MAP2K1: variants seen among roughly 807,000 people sequenced by gnomAD.
The protein encoded by MAP2K1 is mitogen-activated protein kinase kinase 1.
In MAP2K1, 16 loss-of-function variants were observed where a neutral mutation model predicts 46.3. The observed-to-expected ratio is 0.35, with a 90% CI of 0.23 to 0.52. MAP2K1 has a LOEUF of 0.52. Ranked by LOEUF, MAP2K1 falls within the 20% of genes least tolerant of loss-of-function variation. MAP2K1 has a pLI of 0.94. For synonymous variants in MAP2K1, 183 were observed against 185.6 expected, an observed-to-expected ratio of 0.99 and a Z score of 0.11; for missense variants, 263 against 497.1, an observed-to-expected ratio of 0.53 and a Z score of 4.48.
At position 66,453,512 on chromosome 15, in the gene MAP2K1, T is replaced by C. The variant is rs553607295; in HGVS notation, c.568+8805T>C. 3.1e-4 allele frequency: 220 copies of C among 702,368 alleles called. No individual in the cohort carries two copies. In the African/African-American group the frequency reaches 3.6e-3, roughly 11 times the overall value. 43.5% of individuals were successfully genotyped at this position (702,368 alleles called of 1,614,324 possible). ...AAGGCCTGGACTATGGAATGGTACC[T>C]GTGCACCAGCAATTCCTGAGCAAGC... On this transcript the variant is annotated intron_variant, in intron 5 of 10. Transcript: ENST00000307102.
chr15:66,459,618 A>G (rs1387185134), intron 5 of MAP2K1, among the ~76,000 whole-genome samples: 2 of 3,594 alleles, frequency 5.6e-4, no homozygotes, highest in East Asian at 2.8e-3. Context: ...ACACCATCTC[A>G]AAAAAAAAAA....
intron 3 of MAP2K1, among the ~76,000 whole-genome samples, chr15:66,437,562 G>T (rs2093491663): frequency 6.6e-6 from 1 of 152,236 alleles, no homozygotes; most frequent in South Asian, 2.1e-4. Flanking sequence ...CTTGGTGGCT[G>T]TTGTGCTTTC....
intron 6 of MAP2K1, among the ~76,000 whole-genome samples, chr15:66,484,475 G>A (rs1405724619): frequency 6.6e-6 from 1 of 152,160 alleles, no homozygotes; most frequent in Non-Finnish European, 1.5e-5. Context: ...TTATAGATGA[G>A]GCTGATATTC....
At chr15:66,440,334 T>C (rs1408807767) in intron 3 of MAP2K1, among the ~76,000 whole-genome samples, 1 of 152,130 alleles carries the variant, frequency 6.6e-6, no homozygotes, top group African/African-American at 2.4e-5. Flanking sequence ...TCAAGCAATC[T>C]GCCTGTCTCG....
rs1005164834 is a variant in MAP2K1, at chr15:66,444,103, T to C, written c.517-553T>C. On this transcript the variant is annotated intron_variant, in intron 4 of 10. Transcript: ENST00000307102. ...AAAATACAAAATTAGCCGGGGGTGT[T>C]GGTGCATGCCTGTAATCCCAGCTAC... 4.0e-5 allele frequency among the ~76,000 whole-genome samples: 6 copies of C among 151,200 alleles called. 1 individual carries two copies. In the South Asian group the frequency reaches 1.3e-3, roughly 32 times the overall value.
At chr15:66,401,924 G>A in intron 1 of MAP2K1, 2 of 1,295,222 alleles carry the variant, frequency 1.5e-6, no homozygotes, top group Non-Finnish European at 1.0e-6. Context: ...ATCGGTTCGG[G>A]TCGAAGGAAA....
At chr15:66,400,107 G>A (rs34314424) in intron 1 of MAP2K1, among the ~76,000 whole-genome samples, 8,564 of 151,920 alleles carry the variant, frequency 0.056, 346 homozygotes, top group Middle Eastern at 0.11. Context: ...TTGCTGATTC[G>A]ATATATCATT....
At chr15:66,426,265 C>CA (rs998545628) in intron 1 of MAP2K1, among the ~76,000 whole-genome samples, 5 of 133,642 alleles carry the variant, frequency 3.7e-5, no homozygotes, top group Admixed American at 8.0e-5. Flanking sequence ...ACTATGGCTA[C>CA]AAAAAATAAA....
Position 66,436,902 on chromosome 15 carries a change from AC to A in MAP2K1, c.438+13del. ...CTGCATGGAGCACATGGTATGTGAC[AC>A]CCTCTCAGCCTCTGGAGCAATGGCC... On this transcript the variant is annotated intron_variant, in intron 3 of 10. Coordinates refer to ENST00000307102, the MANE Select transcript of MAP2K1 (RefSeq NM_002755.4). The A allele has an allele frequency of 6.2e-7, 1 of 1,613,960 alleles. No individual in the cohort carries two copies. The highest frequency in any genetic ancestry group is 8.5e-7 in the Non-Finnish European group (1 of 1,179,920).
intron 1 of MAP2K1, among the ~76,000 whole-genome samples, chr15:66,406,483 G>A (rs748292473): frequency 7.2e-5 from 11 of 152,208 alleles, no homozygotes; most frequent in East Asian, 1.9e-4. Context: ...GTGCTGGGGC[G>A]ATTGATATTT....
chr15:66,389,572 GTTT>G (rs375412152), intron 1 of MAP2K1, among the ~76,000 whole-genome samples: 11 of 86,960 alleles, frequency 1.3e-4, no homozygotes, highest in African/African-American at 3.7e-4. Flanking sequence ...CTCTGTTGTG[GTTT>G]TTTTTTTTTT....
intron 1 of MAP2K1, among the ~76,000 whole-genome samples, chr15:66,396,987 TA>T (rs2140521657): frequency 7.1e-6 from 1 of 140,240 alleles, no homozygotes; most frequent in South Asian, 2.3e-4. Context: ...GCCTGGCCTG[TA>T]ACGCTTCTTT....
At position 66,444,670 on chromosome 15, in the gene MAP2K1, G is replaced by C; in HGVS notation, c.531G>C (p.Leu177=). The C allele has an allele frequency of 6.2e-7, 1 of 1,611,544 alleles. No homozygotes were observed. Among genetic ancestry groups the C allele is most frequent in the Non-Finnish European group, 8.5e-7 (1 of 1,177,698 alleles). ...GKVSIAVIKG[L]TYLREKHKIM... is the part of the protein sequence containing the mutation. Reference sequence around the variant, plus strand: ...CTTTCCTCTAGGTAATAAAAGGCCTGACATATCTGAGGGAGAAGCACAAGA... The same window carrying C: ...CTTTCCTCTAGGTAATAAAAGGCCTCACATATCTGAGGGAGAAGCACAAGA... Residue 177 remains leucine, a synonymous_variant, in exon 5 of 11, where the codon CTG becomes CTC. Transcript: ENST00000307102.
At chr15:66,417,029 T>C (rs1374929775) in intron 1 of MAP2K1, among the ~76,000 whole-genome samples, 5 of 152,186 alleles carry the variant, frequency 3.3e-5, no homozygotes, top group Non-Finnish European at 7.4e-5. Context: ...CAGGCCCTTC[T>C]AAACTATGGG....
chr15:66,404,790 T>C (rs1248827154), intron 1 of MAP2K1, among the ~76,000 whole-genome samples: 1 of 151,886 alleles, frequency 6.6e-6, no homozygotes, highest in African/African-American at 2.4e-5. Flanking sequence ...GCGGAAATGG[T>C]GAGCGGAAAT....
At chr15:66,481,498 T>C (rs1892914806) in intron 5 of MAP2K1, among the ~76,000 whole-genome samples, 1 of 152,190 alleles carries the variant, frequency 6.6e-6, no homozygotes, top group Non-Finnish European at 1.5e-5. Flanking sequence ...GTCTGCATTC[T>C]TAGAGAGTGG....
At chr15:66,413,155 C>T (rs2093415688) in intron 1 of MAP2K1, among the ~76,000 whole-genome samples, 1 of 152,152 alleles carries the variant, frequency 6.6e-6, no homozygotes, top group South Asian at 2.1e-4. Flanking sequence ...CTCGGCCTCC[C>T]AAAGTGCTGG....
At chr15:66,440,953 T>G (rs939093523) in intron 3 of MAP2K1, among the ~76,000 whole-genome samples, 1 of 152,118 alleles carries the variant, frequency 6.6e-6, no homozygotes, top group Non-Finnish European at 1.5e-5. Context: ...TGTTTCCTTT[T>G]TGTTTTAAAA....
At chr15:66,428,859 G>A (rs968706819) in intron 1 of MAP2K1, among the ~76,000 whole-genome samples, 5 of 134,404 alleles carry the variant, frequency 3.7e-5, no homozygotes, top group Non-Finnish European at 6.1e-5. Context: ...GGCTTACTGC[G>A]ACCTCCGCCT....
Sources: allele counts gnomAD v4.1 joint callset (sites outside exome capture counted in the v4.1 genomes callset), GRCh38; gene constraint gnomAD v4.1.1; transcripts MANE v1.5; gene names NCBI Gene and HGNC (gene_info 2026-07-23, HGNC 2026-07-21).